Variants in SMTNL1 observed in about 807,000 individuals in gnomAD.
The protein encoded by SMTNL1 is smoothelin-like protein 1.
In SMTNL1, 41 loss-of-function variants were observed where a neutral mutation model predicts 46.6. The observed-to-expected ratio is 0.88, with a 90% confidence interval of 0.69 to 1.14. SMTNL1 has a LOEUF of 1.14. Among genes scored for constraint, SMTNL1 ranks in the 50% most tolerant of loss-of-function variants. The pLI, the probability that SMTNL1 is intolerant of heterozygous loss-of-function variation, is 0.00. For missense variants in SMTNL1, 591 were observed against 626.1 expected (o/e 0.94, Z 0.60); for synonymous variants, 234 against 234.2 (o/e 1.00, Z 0.01).
intron 1 of SMTNL1, among the ~76,000 whole-genome samples, chr11:57,540,966 C>T (rs1944871061): frequency 6.6e-6 from 1 of 152,138 alleles, no homozygotes; most frequent in Admixed American, 6.5e-5. Flanking sequence ...GCTACGGGCT[C>T]CCAAAGTGCT....
chr11:57,544,737 G>A (rs1402476045), intron 4 of SMTNL1, among the ~76,000 whole-genome samples: 1 of 152,166 alleles, frequency 6.6e-6, no homozygotes, highest in Non-Finnish European at 1.5e-5. Flanking sequence ...CTGGTCCCTG[G>A]CAGGTGCTGG....
chr11:57,544,834 C>T (rs894960833), intron 4 of SMTNL1, among the ~76,000 whole-genome samples: 1 of 144,124 alleles, frequency 6.9e-6, no homozygotes, highest in African/African-American at 2.7e-5. Context: ...CTTGTCCTCC[C>T]CCCATTTTTT....
At chr11:57,547,081 C>T (rs895609548) in intron 7 of SMTNL1, among the ~76,000 whole-genome samples, 30 of 152,126 alleles carry the variant, frequency 2.0e-4, no homozygotes, top group African/African-American at 7.2e-4. Context: ...CTGCAGTGAG[C>T]CATGATTGAG....
chr11:57,546,429 T>C (rs1001587410), intron 6 of SMTNL1, 72 bp from the exon 7 acceptor site: 1 of 178,954 alleles, frequency 5.6e-6, no homozygotes, highest in African/African-American at 1.5e-4. Context: ...GGTGGGAGGG[T>C]GGGAAGGGGG....
At chr11:57,546,771 C>A in intron 7 of SMTNL1, 119 bp downstream of exon 7, 1 of 1,302,228 alleles carries the variant, frequency 7.7e-7, no homozygotes, top group Non-Finnish European at 1.1e-6. Flanking sequence ...ATGTATCCAA[C>A]AGACATTTTT....
Position 57,541,608 on chromosome 11 carries a change from T to C in SMTNL1, c.-2-1033T>C. ...AAACGCTTCCTTGCCCAGGCCCACC[T>C]TTTCCAAAAACCACAGGCTGGTAGA... On this transcript the variant is annotated intron_variant, in intron 1 of 7. Coordinates refer to ENST00000527972, the MANE Select transcript of SMTNL1 (RefSeq NM_001105565.3). 3.7e-6 allele frequency: 5 copies of C among 1,352,178 alleles called. No homozygotes were observed. The Admixed American group carries it at 6.0e-5, about 16-fold the overall frequency. 83.8% of individuals were successfully genotyped at this position (1,352,178 alleles called of 1,614,324 possible).
At position 57,543,674 on chromosome 11, in the gene SMTNL1, A is replaced by G. The variant is rs550906402; in HGVS notation, c.783A>G (p.Pro261=). Residue 261 remains proline, a synonymous_variant, in exon 3 of 8, where the codon CCA becomes CCG. Transcript: ENST00000527972. The stretch of plus-strand genomic sequence containing the variant: ...AGGAGCAGGACGTGGAAAAAGAGCC[A>G]GAGGGAGGGGCAGGGGTGATTCCCA... ...EEQEQDVEKE[P]EGGAGVIPSS... 10 of 1,602,470 alleles carry G rather than the reference A, an allele frequency of 6.2e-6. No homozygotes were observed. The South Asian group carries it at 1.1e-4, about 18-fold the overall frequency.
chr11:57,548,104 G>A (rs1355268451), intron 7 of SMTNL1, among the ~76,000 whole-genome samples: 2 of 152,170 alleles, frequency 1.3e-5, no homozygotes, highest in African/African-American at 2.4e-5. Context: ...AACGTCCAAG[G>A]GGAAGCACCT....
At chr11:57,545,142 G>A (rs759220088) in intron 4 of SMTNL1, among the ~76,000 whole-genome samples, 1 of 151,960 alleles carries the variant, frequency 6.6e-6, no homozygotes, top group Non-Finnish European at 1.5e-5. Flanking sequence ...CGGCCTCCTT[G>A]TCCCTTTCTT....
intron 1 of SMTNL1, chr11:57,541,426 C>T: frequency 7.7e-7 from 1 of 1,305,024 alleles, no homozygotes; most frequent in Non-Finnish European, 1.0e-6. Flanking sequence ...GGGGCCCCCA[C>T]ACACCTGTTT....
At chr11:57,543,460 G>C in intron 2 of SMTNL1, 86 bp downstream of exon 2, 1 of 1,542,662 alleles carries the variant, frequency 6.5e-7, no homozygotes, top group Non-Finnish European at 8.7e-7. Flanking sequence ...AGTTGGGAAA[G>C]TCCAGTTTTC....
chr11:57,542,388 G>A (rs1944886481), intron 1 of SMTNL1, among the ~76,000 whole-genome samples: 1 of 152,232 alleles, frequency 6.6e-6, no homozygotes, highest in African/African-American at 2.4e-5. Context: ...GTGATTCAAT[G>A]TTCTTTAAAG....
chr11:57,546,517 A>G lies in SMTNL1; in HGVS notation c.1205A>G (p.Asn402Ser). The change falls in exon 7 of 8, where the codon AAC (asparagine) becomes AGC (serine). Residue 402 changes from asparagine (N) to serine (S), a missense_variant. Transcript: ENST00000527972. ...CTGCCATAGCATGTGGACATCCAGA[A>G]CTTCTCCTCCAGCTGGAGCAGTGGT... ...TKKYEHVDIQNFSSSWSSGMA... is the reference protein window; with the variant it reads ...TKKYEHVDIQSFSSSWSSGMA... 1.2e-6 allele frequency: 2 copies of G among 1,614,180 alleles called. No homozygotes were observed. The highest frequency in any genetic ancestry group is 1.7e-6 in the Non-Finnish European group (2 of 1,180,018).
At position 57,546,623 on chromosome 11, in the gene SMTNL1, C is replaced by A. The variant is rs767379074; in HGVS notation, c.1311C>A (p.His437Gln). Residue 437 changes from histidine (H) to glutamine (Q), a missense_variant, in exon 7 of 8, where the codon CAC becomes CAA. Transcript: ENST00000527972. The part of the protein sequence containing the change: ...YAELDPAKRR[H>Q]NFTLAFSTAE... The stretch of plus-strand genomic sequence containing the variant: ...AGCTGGATCCCGCAAAGCGCCGGCA[C>A]AACTTCACCCTGGCCTTCTCCACAG... 13 of 1,613,934 alleles carry A rather than the reference C, an allele frequency of 8.1e-6. No homozygotes were observed. In the South Asian group the frequency reaches 1.4e-4, roughly 18 times the overall value.
Position 57,542,885 on chromosome 11 carries a change from G to T in SMTNL1, c.243G>T (p.Gln81His). ...NGLDEVKVES[Q>H]REAGGKEDAE... ...TAGATGAGGTCAAAGTGGAATCTCA[G>T]AGGGAGGCTGGTGGGAAAGAGGATG... Residue 81 changes from glutamine to histidine, a missense_variant, in exon 2 of 8, where the codon CAG (glutamine) becomes CAT (histidine). Physicochemically the swap from Gln to His is conservative, Grantham distance 24. Transcript: ENST00000527972. The T allele has an allele frequency of 6.2e-7, 1 of 1,611,230 alleles. No homozygotes were observed. The highest frequency in any genetic ancestry group is 8.5e-7 in the Non-Finnish European group (1 of 1,178,634).
chr11:57,546,344 CGAG>C lies in SMTNL1; in HGVS notation c.1187_1188+1del. ...GGTGCCGAGCCATGACAAAAAAATA[CGAG>C]GTGGGCATGGGGCAGAGCTGCGTGG... is the stretch of plus-strand genomic sequence containing the variant. On this transcript the variant is annotated inframe_deletion and splice_region_variant, in exon 6 of 8. Coordinates refer to ENST00000527972, the MANE Select transcript of SMTNL1 (RefSeq NM_001105565.3). 6.6e-7 allele frequency: 1 copy of C among 1,506,438 alleles called. No homozygotes were observed. The highest frequency in any genetic ancestry group is 8.9e-7 in the Non-Finnish European group (1 of 1,120,636). 93.3% of individuals were successfully genotyped at this position (1,506,438 alleles called of 1,614,324 possible). A position where few individuals can be genotyped will look rare whatever the true frequency, so the allele number is the denominator to read the frequency against.
At chr11:57,545,788 G>A (rs1205710725) in intron 4 of SMTNL1, 93 bp from the exon 5 acceptor site, 4 of 1,240,734 alleles carry the variant, frequency 3.2e-6, no homozygotes, top group Non-Finnish European at 2.2e-6. Flanking sequence ...TTAGACTGCA[G>A]TGCCACCCAC....
At position 57,542,835 on chromosome 11, in the gene SMTNL1, G is replaced by C. The variant is rs1590802157; in HGVS notation, c.193G>C (p.Glu65Gln). The C allele has an allele frequency of 2.5e-6, 4 of 1,613,490 alleles. No individual in the cohort carries two copies. In the African/African-American group the frequency reaches 4.0e-5, roughly 16 times the overall value. The stretch of plus-strand genomic sequence containing the variant: ...ACCAGCCGAGGACGGCATGTCAGCA[G>C]AACTCCAGGGGGAAGCAAATGGATT... ...KAPAEDGMSA[E>Q]LQGEANGLDE... The change falls in exon 2 of 8, where the codon GAA (glutamate) becomes CAA (glutamine). Residue 65 changes from glutamate to glutamine, a missense_variant. Transcript: ENST00000527972.
chr11:57,547,733 GACA>G lies in SMTNL1; in HGVS notation c.1340+1082_1340+1084del, dbSNP rs199787588. Among the ~76,000 whole-genome samples, 15 of 152,358 alleles carry G rather than the reference GACA, an allele frequency of 9.8e-5. No homozygotes were observed. The East Asian group carries it at 2.5e-3, about 25-fold the overall frequency. On this transcript the variant is annotated intron_variant, in intron 7 of 7. Transcript: ENST00000527972. Reference sequence around the variant, plus strand: ...AGGTTTTGCCTCTCCCACGTAGAGGGACAGCACCCTAACCCAAAACCATGGGGC... The same window carrying G: ...AGGTTTTGCCTCTCCCACGTAGAGGGGCACCCTAACCCAAAACCATGGGGC...
Sources: gnomAD v4.1 joint callset for allele counts (sites outside exome capture counted in the v4.1 genomes callset) on GRCh38, gnomAD v4.1.1 for gene constraint, MANE v1.5 for transcripts, NCBI Gene and HGNC (gene_info 2026-07-23, HGNC 2026-07-21) for gene names.